Variants in RGS21 observed in about 807,000 individuals in gnomAD.
RGS21 encodes the protein regulator of G-protein signalling 21.
A neutral mutation model predicts 18.7 loss-of-function variants in RGS21; 19 were observed. The observed-to-expected ratio is 1.01, with a 90% CI of 0.71 to 1.49. RGS21 has a LOEUF of 1.49. Ranked by LOEUF, RGS21 falls within the 40% of genes most tolerant of loss-of-function variation. The pLI is 0.00. For missense variants in RGS21, 194 were observed against 176.8 expected (o/e 1.10, Z -0.55); for synonymous variants, 56 against 57.8 (o/e 0.97, Z 0.14).
chr1:192,329,243 T>A (rs1309480783), intron 1 of RGS21, among the ~76,000 whole-genome samples: 1 of 152,078 alleles, frequency 6.6e-6, no homozygotes, highest in Admixed American at 6.6e-5. Flanking sequence ...ACAGAACTGA[T>A]CCCACTAGTA....
At chr1:192,355,424 G>C (rs975087796) in intron 4 of RGS21, among the ~76,000 whole-genome samples, 1 of 151,568 alleles carries the variant, frequency 6.6e-6, no homozygotes, top group African/African-American at 2.4e-5. Context: ...CTTGAGAGAA[G>C]TGGAAACGTG....
rs72732957 is a variant in RGS21 at position 192,352,547 on chromosome 1, G to A, written c.255+334G>A. Reference sequence around the variant, plus strand: ...ACTTCAAAATGCTGTTGAATTTCCAGTGTAGTTTCTTGTTTTTATTTTGCT... The same window carrying A: ...ACTTCAAAATGCTGTTGAATTTCCAATGTAGTTTCTTGTTTTTATTTTGCT... On this transcript the variant is annotated intron_variant, in intron 4 of 4. Coordinates refer to ENST00000417209, the MANE Select transcript of RGS21 (RefSeq NM_001039152.3). Among the ~76,000 whole-genome samples, 219 of 152,162 alleles carry A rather than the reference G, an allele frequency of 1.4e-3. 1 individual carries two copies. Among genetic ancestry groups the A allele is most frequent in the Middle Eastern group, 3.4e-3 (1 of 294 alleles).
chr1:192,355,241 C>T (rs189022082), intron 4 of RGS21, among the ~76,000 whole-genome samples: 4 of 151,678 alleles, frequency 2.6e-5, no homozygotes, highest in East Asian at 1.9e-4. Context: ...ATAGGAAAAA[C>T]GAGAATGATA....
chr1:192,330,962 C>T (rs1377886159), intron 1 of RGS21, among the ~76,000 whole-genome samples: 1 of 152,142 alleles, frequency 6.6e-6, no homozygotes, highest in African/African-American at 2.4e-5. Context: ...GAATGTGGCA[C>T]TGAGATGTAT....
At chr1:192,340,924 C>T (rs568177578) in intron 1 of RGS21, among the ~76,000 whole-genome samples, 99 of 152,152 alleles carry the variant, frequency 6.5e-4, no homozygotes, top group Admixed American at 2.2e-3. Context: ...TCCCACAATA[C>T]GTGAGAATTA....
chr1:192,357,085 A>G (rs1424994967), intron 4 of RGS21, among the ~76,000 whole-genome samples: 2 of 151,880 alleles, frequency 1.3e-5, no homozygotes, highest in Non-Finnish European at 2.9e-5. Context: ...ACAAGGAAAT[A>G]TAAGGTGAGA....
intron 1 of RGS21, among the ~76,000 whole-genome samples, chr1:192,329,779 A>G (rs1012905580): frequency 1.3e-5 from 2 of 152,140 alleles, no homozygotes; most frequent in African/African-American, 2.4e-5. Context: ...AAAAAATTGA[A>G]TCATGCTCCA....
At chr1:192,318,476 T>C (rs1414327943) in intron 1 of RGS21, among the ~76,000 whole-genome samples, 1 of 152,110 alleles carries the variant, frequency 6.6e-6, no homozygotes, top group Non-Finnish European at 1.5e-5. Flanking sequence ...CCAGAAGTTT[T>C]ACGCTGAGCT....
At chr1:192,322,638 G>A (rs996505654) in intron 1 of RGS21, among the ~76,000 whole-genome samples, 2 of 151,680 alleles carry the variant, frequency 1.3e-5, no homozygotes, top group African/African-American at 2.4e-5. Context: ...TTCCACTAAC[G>A]CCAGACACTT....
intron 1 of RGS21, among the ~76,000 whole-genome samples, chr1:192,324,467 T>C (rs1285738876): frequency 6.6e-6 from 1 of 152,106 alleles, no homozygotes; most frequent in Non-Finnish European, 1.5e-5. Flanking sequence ...ATCAAGCATA[T>C]GACTTCTTGT....
chr1:192,355,299 G>A (rs1659095792), intron 4 of RGS21, among the ~76,000 whole-genome samples: 1 of 151,648 alleles, frequency 6.6e-6, no homozygotes, highest in Non-Finnish European at 1.5e-5. Context: ...CGGTTTTTAA[G>A]GAATGGTAAT....
chr1:192,321,202 AC>A lies in RGS21; in HGVS notation c.-61+4101del, dbSNP rs1015326651. ...TCTGTTAGATTTAGATTTCTATTCGACCCCATTTTTTCTAGTAAGCACTTCT... is the reference window on the plus strand; with the variant it reads ...TCTGTTAGATTTAGATTTCTATTCGACCCATTTTTTCTAGTAAGCACTTCT... On this transcript the variant is annotated intron_variant, in intron 1 of 4. Coordinates refer to ENST00000417209, the MANE Select transcript of RGS21 (RefSeq NM_001039152.3). Among the ~76,000 whole-genome samples, 112 of 151,868 alleles carry A rather than the reference AC, an allele frequency of 7.4e-4. 1 individual carries two copies. Among genetic ancestry groups the A allele is most frequent in the African/African-American group, 2.7e-3 (110 of 41,482 alleles).
intron 1 of RGS21, among the ~76,000 whole-genome samples, chr1:192,318,097 T>TACGATAAATAGTA (rs1557971939): frequency 6.6e-6 from 1 of 152,104 alleles, no homozygotes; most frequent in Non-Finnish European, 1.5e-5. Context: ...TAGTAAATAT[T>TACGATAAATAGTA]AATATATTCA....
chr1:192,339,153 A>G (rs1420062454), intron 1 of RGS21, among the ~76,000 whole-genome samples: 1 of 152,016 alleles, frequency 6.6e-6, no homozygotes, highest in Non-Finnish European at 1.5e-5. Context: ...TTTAACTGTT[A>G]TGGTGTTTTT....
intron 4 of RGS21, among the ~76,000 whole-genome samples, chr1:192,360,785 C>A (rs1340215292): frequency 6.6e-6 from 1 of 152,104 alleles, no homozygotes; most frequent in African/African-American, 2.4e-5. Flanking sequence ...ATTCCATGTG[C>A]AAGTCTCCTT....
intron 1 of RGS21, among the ~76,000 whole-genome samples, chr1:192,327,274 A>G (rs1276808060): frequency 6.6e-6 from 1 of 152,124 alleles, no homozygotes; most frequent in Non-Finnish European, 1.5e-5. Flanking sequence ...AGAGTTCAGG[A>G]AAATGACAGT....
At chr1:192,327,480 A>G (rs1658583918) in intron 1 of RGS21, among the ~76,000 whole-genome samples, 1 of 151,540 alleles carries the variant, frequency 6.6e-6, no homozygotes, top group African/African-American at 2.4e-5. Flanking sequence ...TTTTTTATTT[A>G]TTTATTTTTG....
intron 4 of RGS21, among the ~76,000 whole-genome samples, chr1:192,357,639 A>G (rs1206585255): frequency 6.6e-6 from 1 of 151,828 alleles, no homozygotes; most frequent in African/African-American, 2.4e-5. Flanking sequence ...TTCAGCCCAT[A>G]CTTTTAAGCT....
intron 1 of RGS21, among the ~76,000 whole-genome samples, chr1:192,324,622 CACACAT>C (rs1026093548): frequency 6.6e-6 from 1 of 150,774 alleles, no homozygotes; most frequent in African/African-American, 2.4e-5. Flanking sequence ...TGCACACACA[CACACAT>C]AATTATAAAA....
Sources: allele counts gnomAD v4.1 joint callset (sites outside exome capture counted in the v4.1 genomes callset), GRCh38; gene constraint gnomAD v4.1.1; transcripts MANE v1.5; gene names NCBI Gene and HGNC (gene_info 2026-07-23, HGNC 2026-07-21).